Variants in RAPGEF5 observed in about 807,000 individuals in gnomAD.
The protein encoded by RAPGEF5 is M-Ras-regulated GEF.
In RAPGEF5, 65 loss-of-function variants were observed where a neutral mutation model predicts 125.2. That is an observed-to-expected ratio of 0.52 (90% CI 0.43 to 0.64). The LOEUF is 0.64. Ranked by LOEUF, RAPGEF5 falls within the 30% of genes least tolerant of loss-of-function variation. RAPGEF5 has a pLI of 0.00. For missense variants in RAPGEF5, 958 were observed against 1,048.1 expected (o/e 0.91, Z 1.19); for synonymous variants, 391 against 385.9 (o/e 1.01, Z -0.16).
At chr7:22,172,586 C>T (rs1426275379) in intron 11 of RAPGEF5, among the ~76,000 whole-genome samples, 1 of 151,896 alleles carries the variant, frequency 6.6e-6, no homozygotes, top group Admixed American at 6.6e-5. Flanking sequence ...CACAAGTATC[C>T]CTAGAGCATG....
chr7:22,166,518 CCTT>C (rs1286555322), intron 12 of RAPGEF5, among the ~76,000 whole-genome samples: 1 of 152,198 alleles, frequency 6.6e-6, no homozygotes, highest in African/African-American at 2.4e-5. Context: ...TGGTCATTAA[CCTT>C]CTAATCACAT....
chr7:22,124,929 C>T (rs1782690282), intron 25 of RAPGEF5, among the ~76,000 whole-genome samples: 1 of 152,150 alleles, frequency 6.6e-6, no homozygotes, highest in Non-Finnish European at 1.5e-5. Context: ...GGACTGATGT[C>T]AGGATTCCAT....
At chr7:22,263,938 T>C (rs995447841) in intron 7 of RAPGEF5, among the ~76,000 whole-genome samples, 3 of 152,106 alleles carry the variant, frequency 2.0e-5, no homozygotes, top group Non-Finnish European at 4.4e-5. Flanking sequence ...TCAATGAGCA[T>C]GTTCTACTAT....
At chr7:22,213,657 T>C (rs1226745538) in intron 9 of RAPGEF5, among the ~76,000 whole-genome samples, 2 of 152,236 alleles carry the variant, frequency 1.3e-5, no homozygotes, top group African/African-American at 4.8e-5. Flanking sequence ...GATTTTGTTA[T>C]TAAGAAAAAT....
At position 22,145,070 on chromosome 7, in the gene RAPGEF5, C is replaced by T; in HGVS notation, c.2160G>A (p.Val720=). 6.2e-7 allele frequency: 1 copy of T among 1,613,350 alleles called. No homozygotes were observed. The highest frequency in any genetic ancestry group is 8.5e-7 in the Non-Finnish European group (1 of 1,179,520). ...CSQLGKRVQL[V]KKFIKIAAHC... The stretch of plus-strand genomic sequence containing the variant: ...GAGCCGCAATTTTGATGAATTTTTT[C>T]ACCAGCTGCACTCGCTTGCCCAGCT... The change falls in exon 20 of 26, where the codon GTG becomes GTA. Residue 720 remains valine (V), a synonymous_variant. Coordinates refer to ENST00000665637, the MANE Select transcript of RAPGEF5 (RefSeq NM_012294.5).
chr7:22,341,620 G>C (rs1327205047), intron 1 of RAPGEF5, among the ~76,000 whole-genome samples: 5 of 152,218 alleles, frequency 3.3e-5, no homozygotes, highest in Non-Finnish European at 5.9e-5. Flanking sequence ...TGAAGGCATT[G>C]AGTAAATACA....
intron 12 of RAPGEF5, among the ~76,000 whole-genome samples, chr7:22,164,135 G>T (rs1488629354): frequency 6.6e-6 from 1 of 152,112 alleles, no homozygotes; most frequent in African/African-American, 2.4e-5. Flanking sequence ...GGAGTTTAAG[G>T]CCAGCCCAGG....
At chr7:22,179,933 T>C (rs562793540) in intron 11 of RAPGEF5, among the ~76,000 whole-genome samples, 1 of 152,306 alleles carries the variant, frequency 6.6e-6, no homozygotes, top group East Asian at 1.9e-4. Context: ...TAACTATAAG[T>C]ATCCTTAGTC....
chr7:22,308,041 A>G (rs747330585), intron 5 of RAPGEF5, among the ~76,000 whole-genome samples: 3 of 152,182 alleles, frequency 2.0e-5, no homozygotes, highest in Non-Finnish European at 2.9e-5. Flanking sequence ...TTCCAACTTA[A>G]GCCCAATCAT....
At chr7:22,216,043 C>T (rs1785630049) in intron 9 of RAPGEF5, among the ~76,000 whole-genome samples, 1 of 152,146 alleles carries the variant, frequency 6.6e-6, no homozygotes, top group Non-Finnish European at 1.5e-5. Context: ...CATGCACATC[C>T]CCCATTGCTA....
intron 3 of RAPGEF5, chr7:22,314,528 GTT>G (rs1463055259): frequency 2.1e-5 from 16 of 747,558 alleles, no homozygotes; most frequent in Non-Finnish European, 2.1e-5. Context: ...ATAAAGCTAA[GTT>G]TATTTAACAT....
At chr7:22,207,831 A>C (rs911742422) in intron 9 of RAPGEF5, among the ~76,000 whole-genome samples, 1 of 152,186 alleles carries the variant, frequency 6.6e-6, no homozygotes, top group Non-Finnish European at 1.5e-5. Flanking sequence ...CCTCCTTTAG[A>C]TTTGAGATTT....
intron 24 of RAPGEF5, among the ~76,000 whole-genome samples, chr7:22,126,755 T>G (rs1283376146): frequency 1.5e-3 from 2 of 1,308 alleles, no homozygotes; most frequent in East Asian, 0.011. Context: ...CTGGGATTAC[T>G]GGCATATGCA....
chr7:22,265,665 A>G (rs1782264815), intron 7 of RAPGEF5, among the ~76,000 whole-genome samples: 1 of 130,772 alleles, frequency 7.6e-6, no homozygotes, highest in Non-Finnish European at 1.6e-5. Flanking sequence ...TGTTTCCCAT[A>G]GTGGCTGTAC....
At chr7:22,339,084 C>T (rs1274575103) in intron 1 of RAPGEF5, among the ~76,000 whole-genome samples, 3 of 152,110 alleles carry the variant, frequency 2.0e-5, no homozygotes, top group African/African-American at 7.2e-5. Flanking sequence ...GGTGTATGAC[C>T]TTATGGGAAC....
At chr7:22,304,935 T>C (rs1783300682) in intron 5 of RAPGEF5, among the ~76,000 whole-genome samples, 1 of 152,220 alleles carries the variant, frequency 6.6e-6, no homozygotes, top group African/African-American at 2.4e-5. Flanking sequence ...AGGCCCTTTA[T>C]AGACAGCAGT....
intron 7 of RAPGEF5, among the ~76,000 whole-genome samples, chr7:22,245,437 A>C (rs1786451335): frequency 6.6e-6 from 1 of 152,114 alleles, no homozygotes; most frequent in Non-Finnish European, 1.5e-5. Context: ...AGAAGTGTAC[A>C]GTGTAAATTC....
chr7:22,284,809 G>GA (rs1286960275), intron 6 of RAPGEF5, among the ~76,000 whole-genome samples: 1 of 152,118 alleles, frequency 6.6e-6, no homozygotes, highest in East Asian at 1.9e-4. Context: ...AGATAGCCAG[G>GA]AAAAAGGGTG....
At chr7:22,249,590 C>T (rs1786566947) in intron 7 of RAPGEF5, among the ~76,000 whole-genome samples, 1 of 152,176 alleles carries the variant, frequency 6.6e-6, no homozygotes, top group Non-Finnish European at 1.5e-5. Flanking sequence ...CCTGACTCTC[C>T]ACCAAACAAA....
Sources: gnomAD v4.1 joint callset for allele counts (sites outside exome capture counted in the v4.1 genomes callset) on GRCh38, gnomAD v4.1.1 for gene constraint, MANE v1.5 for transcripts, NCBI Gene and HGNC (gene_info 2026-07-23, HGNC 2026-07-21) for gene names.